The following METTL3 variants were observed in gnomAD, a reference collection of about 807,000 sequenced individuals.
The protein encoded by METTL3 is methyltransferase 3, N6-adenosine-methyltransferase complex catalytic subunit.
METTL3 carries 42 observed loss-of-function variants against 64.3 expected under a neutral mutation model. That is an observed-to-expected ratio of 0.65 (90% CI 0.51 to 0.84). The LOEUF is 0.84. Ranked by LOEUF, METTL3 falls within the 40% of genes least tolerant of loss-of-function variation. The pLI, the probability that METTL3 is intolerant of heterozygous loss-of-function variation, is 0.00. For missense variants in METTL3, 435 were observed against 722.3 expected, an observed-to-expected ratio of 0.60 and a Z score of 4.56; for synonymous variants, 256 against 263.6, an observed-to-expected ratio of 0.97 and a Z score of 0.28.
At chr14:21,501,544 G>A in intron 4 of METTL3, 184 bp downstream of exon 4, 1 of 725,000 alleles carries the variant, frequency 1.4e-6, no homozygotes, top group Non-Finnish European at 2.2e-6. Flanking sequence ...AGTTATTTGG[G>A]AGTACAGCCT....
Position 21,508,641 on chromosome 14 carries a change from T to TCC in METTL3, c.100+2481_100+2482dup, listed in dbSNP as rs200884692. Among the ~76,000 whole-genome samples, 1,022 of 152,306 alleles carry TCC rather than the reference T, an allele frequency of 6.7e-3. 7 individuals are homozygous for TCC. The highest frequency in any genetic ancestry group is 0.023 in the African/African-American group (968 of 41,558). On this transcript the variant is annotated intron_variant, in intron 1 of 10. Transcript: ENST00000298717. ...CGGGCACAGTGGCTCACACCTGTAA[T>TCC]CCCAGCACTTTGGGAAACTGAGGCG...
chr14:21,507,961 TTTTATAAGAGTCTTAA>T (rs1356522567), intron 1 of METTL3: 4 of 152,036 alleles, frequency 2.6e-5, no homozygotes, highest in African/African-American at 4.8e-5. Context: ...CCAAAAATAC[TTTTATAAGAGTCTTAA>T]CTAGACTGGG....
chr14:21,501,411 G>C, intron 4 of METTL3: 1 of 546,696 alleles, frequency 1.8e-6, no homozygotes, highest in South Asian at 2.2e-5. Context: ...ACTGACCTAA[G>C]AGTTTAGGTT....
rs17854735 is a variant in METTL3, at chr14:21,498,298, C to T, written c.1703G>A (p.Arg568Lys). ...DPDVVARFKQ[R>K]YPDGIISKPK... Reference sequence around the variant, plus strand: ...TTTAGAGATGATACCATCTGGGTACCTTTGCTTGAACCGTGCAACCACATC... The same window carrying T: ...TTTAGAGATGATACCATCTGGGTACTTTTGCTTGAACCGTGCAACCACATC... Residue 568 changes from arginine to lysine, a missense_variant, in exon 11 of 11, where the codon AGG becomes AAG. Physicochemically the swap from Arg to Lys is conservative, Grantham distance 26. Transcript: ENST00000298717. The T allele has an allele frequency of 1.2e-6, 2 of 1,613,784 alleles. No homozygotes were observed. The highest frequency in any genetic ancestry group is 1.7e-6 in the Non-Finnish European group (2 of 1,179,676).
rs767779945 is a variant in METTL3 at position 21,500,972 on chromosome 14, G to C, written c.1057C>G (p.Leu353Val). ...CCTCCGACACTCTGTGTAAGAGCAA[G>C]CTCCTGGCTTGGCGTGTGGTCTTTG... is the stretch of plus-strand genomic sequence containing the variant. The part of the protein sequence containing the change: ...GSKDHTPSQE[L>V]ALTQSVGGDS... Residue 353 changes from leucine to valine, a missense_variant, in exon 5 of 11, where the codon CTT (leucine) becomes GTT (valine). Transcript: ENST00000298717. 59 of 1,614,182 alleles carry C rather than the reference G, an allele frequency of 3.7e-5. No individual in the cohort carries two copies. Among genetic ancestry groups the C allele is most frequent in the Non-Finnish European group, 5.0e-5 (59 of 1,180,036 alleles).
At position 21,511,312 on chromosome 14, in the gene METTL3, G is replaced by T. The variant is rs1319791050; in HGVS notation, c.-89C>A. On this transcript the variant is annotated 5_prime_UTR_variant, in exon 1 of 11. Coordinates refer to ENST00000298717, the MANE Select transcript of METTL3 (RefSeq NM_019852.5). ...GCTCCAGGATATAGCCAATTCTCAC[G>T]CGGACACCCCGAAGGCTAACCGGAA... 2 of 1,505,602 alleles carry T rather than the reference G, an allele frequency of 1.3e-6. No homozygotes were observed. Among genetic ancestry groups the T allele is most frequent in the East Asian group, 5.0e-5 (2 of 39,840 alleles). 93.3% of individuals were successfully genotyped at this position (1,505,602 alleles called of 1,614,324 possible).
At chr14:21,498,715 A>T (rs1441244545) in intron 10 of METTL3, 3 of 462,256 alleles carry the variant, frequency 6.5e-6, no homozygotes, top group Non-Finnish European at 1.2e-5. Context: ...TTATTGACAG[A>T]TTAAATAGAT....
At chr14:21,505,420 T>C (rs1284329511) in intron 1 of METTL3, among the ~76,000 whole-genome samples, 1 of 152,238 alleles carries the variant, frequency 6.6e-6, no homozygotes. Context: ...ATACTGCTCA[T>C]TCCAATATCT....
chr14:21,507,184 A>AAAATAAATAAAT (rs530857504), intron 1 of METTL3, among the ~76,000 whole-genome samples: 114 of 152,026 alleles, frequency 7.5e-4, no homozygotes, highest in African/African-American at 2.7e-3. Context: ...TCTGTCTCAA[A>AAAATAAATAAAT]AAATAAATAA....
chr14:21,506,205 G>C (rs1442217727), intron 1 of METTL3, among the ~76,000 whole-genome samples: 2 of 151,880 alleles, frequency 1.3e-5, no homozygotes, highest in Non-Finnish European at 2.9e-5. Flanking sequence ...ATCAAAAATA[G>C]AATTACCATA....
chr14:21,500,952 G>T lies in METTL3; in HGVS notation c.1077C>A (p.Val359=). 1 of 1,614,122 alleles carries T rather than the reference G, an allele frequency of 6.2e-7. No individual in the cohort carries two copies. Among genetic ancestry groups the T allele is most frequent in the South Asian group, 1.1e-5 (1 of 91,072 alleles). ...GTCGGTCTGCACTGGAATCACCTCC[G>T]ACACTCTGTGTAAGAGCAAGCTCCT... ...PSQELALTQS[V]GGDSSADRLF... The change falls in exon 5 of 11, where the codon GTC becomes GTA. Residue 359 remains valine, a synonymous_variant. Transcript: ENST00000298717.
Position 21,511,188 on chromosome 14 carries a change from C to T in METTL3, c.36G>A (p.Lys12=), listed in dbSNP as rs779973945. 5 of 1,614,112 alleles carry T rather than the reference C, an allele frequency of 3.1e-6. No individual in the cohort carries two copies. The highest frequency in any genetic ancestry group is 4.2e-6 in the Non-Finnish European group (5 of 1,180,002). The change falls in exon 1 of 11, where the codon AAG becomes AAA. Residue 12 remains lysine (K), a synonymous_variant. Transcript: ENST00000298717. The part of the protein sequence containing the change: ...SDTWSSIQAH[K]KQLDSLRERL... ...TCTCCCGCAGAGAGTCCAGCTGCTT[C>T]TTGTGGGCCTGGATAGAGCTCCACG... is the stretch of plus-strand genomic sequence containing the variant.
chr14:21,502,807 C>T, intron 3 of METTL3: 1 of 195,226 alleles, frequency 5.1e-6, no homozygotes, highest in East Asian at 1.2e-4. Flanking sequence ...ATTTGGATTC[C>T]TCTTCTCTTG....
At chr14:21,503,640 A>G (rs1891625994) in intron 2 of METTL3, 24 bp downstream of exon 2, 3 of 1,613,966 alleles carry the variant, frequency 1.9e-6, no homozygotes, top group Non-Finnish European at 8.5e-7. Context: ...TAAGTGGTAA[A>G]TCCTAACTCT....
Position 21,499,548 on chromosome 14 carries a change from T to G in METTL3, c.1396A>C (p.Ile466Leu), listed in dbSNP as rs767615017. The stretch of plus-strand genomic sequence containing the variant: ...TGACCTGTACGGCCTGTCCGAATGA[T>G]GCGTTGCAGTTGATTTGTCTTCACC... ...IWVKTNQLQR[I>L]IRTGRTGHWL... Residue 466 changes from isoleucine (I) to leucine (L), a missense_variant, in exon 8 of 11, where the codon ATC (isoleucine) becomes CTC (leucine). Ile to Leu is a conservative substitution (Grantham distance 5). Around this residue, in one of 9 missense-constraint regions of METTL3, gnomAD observed 36 missense variants for 73.0 expected, o/e 0.49. Transcript: ENST00000298717. The G allele has an allele frequency of 5.0e-6, 8 of 1,614,262 alleles. No homozygotes were observed. The highest frequency in any genetic ancestry group is 6.8e-6 in the Non-Finnish European group (8 of 1,180,044).
chr14:21,503,220 CTA>C lies in METTL3; in HGVS notation c.674_675del (p.Ile225ArgfsTer10). 1 of 1,614,084 alleles carries C rather than the reference CTA, an allele frequency of 6.2e-7. No individual in the cohort carries two copies. Among genetic ancestry groups the C allele is most frequent in the Non-Finnish European group, 8.5e-7 (1 of 1,179,976 alleles). ...GTGGACTGTTGGTTCAGAAGGCTCTCTATCTCCAGATCAACATCTGAGGCAGC... is the reference window on the plus strand; with the variant it reads ...GTGGACTGTTGGTTCAGAAGGCTCTCTCTCCAGATCAACATCTGAGGCAGC... ...KHAASDVDLE[I>X]ESLLNQQSTK... On this transcript the variant is annotated frameshift_variant, in exon 3 of 11. Coordinates refer to ENST00000298717, the MANE Select transcript of METTL3 (RefSeq NM_019852.5). LOFTEE classifies it high-confidence loss of function.
At chr14:21,505,479 G>C (rs1167406264) in intron 1 of METTL3, among the ~76,000 whole-genome samples, 5 of 152,150 alleles carry the variant, frequency 3.3e-5, no homozygotes, top group Non-Finnish European at 7.3e-5. Context: ...CACCTCCTGG[G>C]AGGTTTTTTT....
At chr14:21,500,221 T>C (rs922078092) in intron 6 of METTL3, among the ~76,000 whole-genome samples, 2 of 151,930 alleles carry the variant, frequency 1.3e-5, no homozygotes, top group African/African-American at 2.4e-5. Context: ...AAAAATTAGC[T>C]GGGCTGGTGG....
intron 1 of METTL3, chr14:21,510,876 C>T: frequency 2.1e-6 from 1 of 481,846 alleles, no homozygotes; most frequent in South Asian, 2.4e-5. Context: ...GCAAGGCGGA[C>T]GAGGGTGGGG....
Sources: gnomAD v4.1 joint callset for allele counts (sites outside exome capture counted in the v4.1 genomes callset) on GRCh38, gnomAD v4.1.1 for gene constraint, gnomAD v4.1.1 regional missense constraint, MANE v1.5 for transcripts, NCBI Gene and HGNC (gene_info 2026-07-23, HGNC 2026-07-21) for gene names.